Variants in SULT1B1 observed in about 807,000 individuals in gnomAD.
SULT1B1 encodes the protein sulfotransferase 1B1.
Under a neutral mutation model 34.6 loss-of-function variants are expected in SULT1B1, and 28 were observed. The observed-to-expected ratio is 0.81, with a 90% CI of 0.60 to 1.11. SULT1B1 has a LOEUF of 1.11. Ranked by LOEUF, SULT1B1 falls within the 50% of genes least tolerant of loss-of-function variation. SULT1B1 has a pLI of 0.00. For synonymous variants in SULT1B1, 147 were observed against 110.2 expected (o/e 1.33, Z -2.09); for missense variants, 374 against 352.2 (o/e 1.06, Z -0.50).
At chr4:69,759,064 G>A (rs1252103952) in intron 1 of SULT1B1, among the ~76,000 whole-genome samples, 1 of 152,202 alleles carries the variant, frequency 6.6e-6, no homozygotes, top group African/African-American at 2.4e-5. Flanking sequence ...GATACAGGGT[G>A]TAAGTAAATG....
intron 4 of SULT1B1, among the ~76,000 whole-genome samples, chr4:69,745,212 G>T (rs1204502730): frequency 6.6e-6 from 1 of 152,178 alleles, no homozygotes; most frequent in African/African-American, 2.4e-5. Flanking sequence ...ATATTTTGTT[G>T]TTGGGTAGAT....
intron 2 of SULT1B1, 45 bp downstream of exon 2, chr4:69,755,025 C>CA: frequency 1.3e-6 from 2 of 1,523,100 alleles, no homozygotes; most frequent in South Asian, 1.2e-5. Flanking sequence ...TTCCAGGAAA[C>CA]AAAAAATGAG....
chr4:69,758,974 C>T (rs1034091444), intron 1 of SULT1B1, among the ~76,000 whole-genome samples: 4 of 152,328 alleles, frequency 2.6e-5, no homozygotes, highest in African/African-American at 9.6e-5. Flanking sequence ...TCAGAATCTA[C>T]ATTTTAGTAA....
chr4:69,735,968 T>C (rs1037152304), intron 4 of SULT1B1, among the ~76,000 whole-genome samples: 1 of 152,200 alleles, frequency 6.6e-6, no homozygotes, highest in Non-Finnish European at 1.5e-5. Flanking sequence ...AAAGACAGTC[T>C]TAGAATTGCT....
At chr4:69,749,218 C>G (rs1370754843) in intron 4 of SULT1B1, among the ~76,000 whole-genome samples, 5 of 151,988 alleles carry the variant, frequency 3.3e-5, no homozygotes, top group Non-Finnish European at 1.5e-5. Context: ...ATATTAACAA[C>G]TTTTCATTCA....
chr4:69,754,582 C>A lies in SULT1B1; in HGVS notation c.277+88G>T, dbSNP rs41292313. On this transcript the variant is annotated intron_variant, in intron 3 of 7. Transcript: ENST00000310613. ...TCCATTTTATGTCACCAAATCTACT[C>A]CGGTTTCAGTGAAAGTCACACATAC... 137 of 1,336,188 alleles carry A rather than the reference C, an allele frequency of 1.0e-4. 1 individual carries two copies. In the Middle Eastern group the frequency reaches 1.1e-3, roughly 11 times the overall value. The allele number at this position is 1,336,188 out of a possible 1,614,324, so 82.8% of individuals were successfully genotyped here. A position where few individuals can be genotyped will look rare whatever the true frequency, so the allele number is the denominator to read the frequency against.
intron 3 of SULT1B1, among the ~76,000 whole-genome samples, chr4:69,751,577 G>A (rs569393750): frequency 6.6e-6 from 1 of 151,890 alleles, no homozygotes; most frequent in African/African-American, 2.4e-5. Flanking sequence ...TCAGCCTCCC[G>A]AGTAGTTGAG....
intron 5 of SULT1B1, 125 bp downstream of exon 5, chr4:69,734,013 G>A: frequency 1.2e-6 from 1 of 818,688 alleles, no homozygotes; most frequent in East Asian, 3.3e-5. Flanking sequence ...TAGTTTTTTA[G>A]ATAATATTTG....
chr4:69,740,403 A>G (rs564698816), intron 4 of SULT1B1, among the ~76,000 whole-genome samples: 3 of 152,292 alleles, frequency 2.0e-5, no homozygotes, highest in East Asian at 3.9e-4. Flanking sequence ...TAGCAAGGGA[A>G]ATGCCAGGTA....
Position 69,755,203 on chromosome 4 carries a change from T to G in SULT1B1, c.15A>C (p.Lys5Asn). Reference sequence around the variant, plus strand: ...ACTTCAGATCTTTTCGCAGAATATCTTTTGGGGAAAGCATTTTAATACCAG... The same window carrying G: ...ACTTCAGATCTTTTCGCAGAATATCGTTTGGGGAAAGCATTTTAATACCAG... MLSP[K>N]DILRKDLKLV... Residue 5 changes from lysine (K) to asparagine (N), a missense_variant, in exon 2 of 8, where the codon AAA (lysine) becomes AAC (asparagine). Lys to Asn is a moderately conservative substitution (Grantham distance 94, BLOSUM62 0). Coordinates refer to ENST00000310613, the MANE Select transcript of SULT1B1 (RefSeq NM_014465.4). 6.8e-6 allele frequency: 11 copies of G among 1,613,466 alleles called. No homozygotes were observed. The highest frequency in any genetic ancestry group is 9.3e-6 in the Non-Finnish European group (11 of 1,179,410).
intron 1 of SULT1B1, among the ~76,000 whole-genome samples, chr4:69,758,798 CCTTTT>C (rs1464350000): frequency 2.6e-5 from 4 of 152,044 alleles, no homozygotes; most frequent in African/African-American, 4.8e-5. Context: ...TCATCCTTTG[CCTTTT>C]CTTTATTTAT....
intron 1 of SULT1B1, among the ~76,000 whole-genome samples, chr4:69,757,947 C>T (rs1229736586): frequency 6.6e-6 from 1 of 151,996 alleles, no homozygotes; most frequent in African/African-American, 2.4e-5. Context: ...CATGTGAGAC[C>T]CTGGGGCAAG....
At chr4:69,735,773 G>A (rs114163298) in intron 4 of SULT1B1, among the ~76,000 whole-genome samples, 57 of 152,252 alleles carry the variant, frequency 3.7e-4, no homozygotes, top group African/African-American at 8.4e-4. Context: ...ATAAAAAAGC[G>A]TCAACATTCC....
Position 69,734,198 on chromosome 4 carries a change from T to C in SULT1B1, c.442A>G (p.Asn148Asp), listed in dbSNP as rs1427880145. 6.2e-7 allele frequency: 1 copy of C among 1,613,172 alleles called. No individual in the cohort carries two copies. The highest frequency in any genetic ancestry group is 1.1e-5 in the South Asian group (1 of 90,936). Residue 148 changes from asparagine (N) to aspartate (D), a missense_variant, in exon 5 of 8, where the codon AAT becomes GAT. Coordinates refer to ENST00000310613, the MANE Select transcript of SULT1B1 (RefSeq NM_014465.4). ...VSYYHFDLMN[N>D]LQPFPGTWEE... ...CAGGTACCAGGAAAAGGCTGTAAAT[T>C]ATTCATTAAGTCAAAATGGTAATAT...
At chr4:69,729,344 T>C (rs1409716465) in intron 7 of SULT1B1, among the ~76,000 whole-genome samples, 1 of 152,012 alleles carries the variant, frequency 6.6e-6, no homozygotes, top group East Asian at 1.9e-4. Flanking sequence ...CCAATTTTCA[T>C]ATAGGCAGGT....
intron 5 of SULT1B1, 95 bp from the exon 6 acceptor site, chr4:69,733,602 A>G: frequency 1.1e-6 from 1 of 917,180 alleles, no homozygotes; most frequent in Non-Finnish European, 1.6e-6. Context: ...TTTTGAATTT[A>G]GTAACCAAAG....
chr4:69,734,850 G>A (rs1392447819), intron 4 of SULT1B1, among the ~76,000 whole-genome samples: 2 of 128,826 alleles, frequency 1.6e-5, no homozygotes, highest in Admixed American at 8.6e-5. Context: ...TTTTTGAGAC[G>A]CCCTGTCGCC....
intron 7 of SULT1B1, among the ~76,000 whole-genome samples, chr4:69,727,511 G>C (rs1291039910): frequency 6.6e-6 from 1 of 151,968 alleles, no homozygotes; most frequent in African/African-American, 2.4e-5. Flanking sequence ...TAATTTTACT[G>C]TTTCTAATGG....
At chr4:69,758,609 C>A (rs556149071) in intron 1 of SULT1B1, 4 of 349,732 alleles carry the variant, frequency 1.1e-5, no homozygotes, top group African/African-American at 8.9e-5. Context: ...AGCAGTATAA[C>A]TTTACTTACC....
Sources: allele counts gnomAD v4.1 joint callset (sites outside exome capture counted in the v4.1 genomes callset), GRCh38; gene constraint gnomAD v4.1.1; transcripts MANE v1.5; gene names NCBI Gene and HGNC (gene_info 2026-07-23, HGNC 2026-07-21).